The following RAB38 variants were observed in gnomAD, a reference collection of about 807,000 sequenced individuals.
The protein encoded by RAB38 is ras-related protein Rab-38.
In RAB38, 15 loss-of-function variants were observed where a neutral mutation model predicts 18.4. That is an observed-to-expected ratio of 0.82 (90% CI 0.55 to 1.26). RAB38 has a LOEUF of 1.26. Ranked by LOEUF, RAB38 falls within the 50% of genes most tolerant of loss-of-function variation. RAB38 has a pLI of 0.00. For missense variants in RAB38, 294 were observed against 267.4 expected (o/e 1.10, Z -0.69); for synonymous variants, 101 against 104.4 (o/e 0.97, Z 0.20).
At chr11:88,016,447 A>C in the RAB38 span, among the ~76,000 whole-genome samples, 1 of 152,042 alleles carries the variant, frequency 6.6e-6, no homozygotes, top group African/African-American at 2.4e-5. Context: ...AATAAAGATA[A>C]TTTTTGCTTG....
At chr11:87,827,110 G>A in the RAB38 span, among the ~76,000 whole-genome samples, 118 of 152,124 alleles carry the variant, frequency 7.8e-4, no homozygotes, top group African/African-American at 2.7e-3. Flanking sequence ...GTCAAACAGG[G>A]ACATCCATAC....
intron 2 of RAB38, among the ~76,000 whole-genome samples, chr11:88,116,791 T>C (rs1942559363): frequency 6.6e-6 from 1 of 152,178 alleles, no homozygotes; most frequent in South Asian, 2.1e-4. Context: ...TGATAAAAAT[T>C]AGATAAAAGT....
the RAB38 span, among the ~76,000 whole-genome samples, chr11:87,858,664 A>G: frequency 6.6e-6 from 1 of 152,214 alleles, no homozygotes; most frequent in East Asian, 1.9e-4. Flanking sequence ...AAAATATTTA[A>G]TTTTGGGAAG....
At chr11:87,834,972 C>G in the RAB38 span, among the ~76,000 whole-genome samples, 1 of 152,114 alleles carries the variant, frequency 6.6e-6, no homozygotes, top group Non-Finnish European at 1.5e-5. Context: ...ATGGAGGAGC[C>G]AAGGCTTCAA....
the RAB38 span, among the ~76,000 whole-genome samples, chr11:87,935,019 G>A: frequency 6.6e-6 from 1 of 151,894 alleles, no homozygotes; most frequent in Non-Finnish European, 1.5e-5. Context: ...CCAGGCTAAT[G>A]CTGGTAGAAA....
chr11:87,832,574 C>G, the RAB38 span, among the ~76,000 whole-genome samples: 342 of 152,254 alleles, frequency 2.2e-3, no homozygotes, highest in African/African-American at 7.9e-3. Context: ...GGGGGCCTCC[C>G]TTAACTCTCG....
chr11:87,920,451 A>G, the RAB38 span, among the ~76,000 whole-genome samples: 3 of 152,002 alleles, frequency 2.0e-5, no homozygotes, highest in Admixed American at 1.3e-4. Flanking sequence ...TTTTTCTGAT[A>G]TTTTTCCTAT....
the RAB38 span, among the ~76,000 whole-genome samples, chr11:88,085,513 A>G: frequency 6.6e-6 from 1 of 151,914 alleles, no homozygotes; most frequent in Non-Finnish European, 1.5e-5. Context: ...CCTTGTCTAA[A>G]TGGTATATAG....
At chr11:87,966,445 C>T in the RAB38 span, among the ~76,000 whole-genome samples, 2 of 152,180 alleles carry the variant, frequency 1.3e-5, no homozygotes, top group South Asian at 4.2e-4. Context: ...CCAAGGTACT[C>T]AGATGGTAGG....
At chr11:87,936,980 T>C in the RAB38 span, among the ~76,000 whole-genome samples, 986 of 152,134 alleles carry the variant, frequency 6.5e-3, 11 homozygotes, top group Non-Finnish European at 0.01. Flanking sequence ...CTTGCCTTAC[T>C]ACAATGGCGA....
the RAB38 span, among the ~76,000 whole-genome samples, chr11:87,868,620 AG>A: frequency 7.4e-6 from 1 of 134,278 alleles, no homozygotes; most frequent in Non-Finnish European, 1.6e-5. Context: ...AGAGAGAGAG[AG>A]AGAATGAGAA....
the RAB38 span, among the ~76,000 whole-genome samples, chr11:87,839,854 A>G: frequency 6.6e-6 from 1 of 152,196 alleles, no homozygotes. Context: ...TCTGAGTATA[A>G]TAAGAATTAA....
At chr11:87,941,845 A>C in the RAB38 span, among the ~76,000 whole-genome samples, 1 of 152,104 alleles carries the variant, frequency 6.6e-6, no homozygotes, top group African/African-American at 2.4e-5. Flanking sequence ...TCTCTGTAGG[A>C]ATAAAACTCA....
chr11:88,093,715 A>C, the RAB38 span, among the ~76,000 whole-genome samples: 2 of 151,824 alleles, frequency 1.3e-5, no homozygotes, highest in East Asian at 3.9e-4. Context: ...GACTCCAACT[A>C]CTTACAGTAA....
chr11:87,856,534 T>A, the RAB38 span, among the ~76,000 whole-genome samples: 1 of 152,208 alleles, frequency 6.6e-6, no homozygotes, highest in South Asian at 2.1e-4. Context: ...TAGATTTTAG[T>A]ATGTGAACAT....
chr11:88,008,963 T>C, the RAB38 span, among the ~76,000 whole-genome samples: 1 of 152,294 alleles, frequency 6.6e-6, no homozygotes, highest in Admixed American at 6.5e-5. Flanking sequence ...TGAACCACTG[T>C]GCCCGGCGGA....
At chr11:87,912,341 T>G in the RAB38 span, among the ~76,000 whole-genome samples, 1 of 151,976 alleles carries the variant, frequency 6.6e-6, no homozygotes, top group Non-Finnish European at 1.5e-5. Context: ...GAGTTTTCCT[T>G]GTGTGAAGAT....
chr11:88,055,058 A>G, the RAB38 span, among the ~76,000 whole-genome samples: 1 of 152,174 alleles, frequency 6.6e-6, no homozygotes, highest in Non-Finnish European at 1.5e-5. Context: ...AACACTGGCT[A>G]TTGAGAATTT....
the RAB38 span, among the ~76,000 whole-genome samples, chr11:88,027,603 T>C: frequency 2.6e-5 from 4 of 152,290 alleles, no homozygotes; most frequent in African/African-American, 7.2e-5. Context: ...CCTACGCCCA[T>C]GGAGTCTCGC....
Sources: gnomAD v4.1 joint callset for allele counts (sites outside exome capture counted in the v4.1 genomes callset) on GRCh38, gnomAD v4.1.1 for gene constraint, MANE v1.5 for transcripts, NCBI Gene and HGNC (gene_info 2026-07-23, HGNC 2026-07-21) for gene names.